The following BMPR1B variants were observed in gnomAD, a reference collection of about 807,000 sequenced individuals.
BMPR1B encodes the protein bone morphogenetic protein receptor type 1B, also known as bone morphogenetic protein receptor type-1B.
Under a neutral mutation model 59.1 loss-of-function variants are expected in BMPR1B, and 12 were observed. The observed-to-expected ratio is 0.20, with a 90% CI of 0.13 to 0.33. The LOEUF (loss-of-function observed/expected upper bound fraction) is 0.33, where lower values mean the gene tolerates loss of function less well. BMPR1B is among the 10% of genes least tolerant of loss of function. The pLI is 1.00. For synonymous variants in BMPR1B, 237 were observed against 207.3 expected (o/e 1.14, Z -1.23); for missense variants, 550 against 610.9 (o/e 0.90, Z 1.05).
intron 3 of BMPR1B, among the ~76,000 whole-genome samples, chr4:95,099,402 T>C (rs1298401644): frequency 1.3e-5 from 2 of 152,202 alleles, no homozygotes; most frequent in Non-Finnish European, 2.9e-5. Flanking sequence ...CATAGATCCA[T>C]GCAGATATAG....
chr4:94,873,602 G>A (rs1448274830), intron 1 of BMPR1B, among the ~76,000 whole-genome samples: 1 of 151,986 alleles, frequency 6.6e-6, no homozygotes, highest in Non-Finnish European at 1.5e-5. Flanking sequence ...TAGAGATGGG[G>A]TTTCACCATG....
At chr4:94,782,370 A>G (rs931964801) in intron 1 of BMPR1B, among the ~76,000 whole-genome samples, 15 of 151,098 alleles carry the variant, frequency 9.9e-5, no homozygotes, top group Admixed American at 7.3e-4. Context: ...CAGTGGTGCA[A>G]TCTTGGCTCA....
chr4:94,845,524 A>G (rs1197832811), intron 1 of BMPR1B, among the ~76,000 whole-genome samples: 1 of 151,972 alleles, frequency 6.6e-6, no homozygotes, highest in Non-Finnish European at 1.5e-5. Context: ...TTGTATTTTT[A>G]GTAGAGACGG....
chr4:94,849,181 A>G (rs957352535), intron 1 of BMPR1B, among the ~76,000 whole-genome samples: 9 of 152,216 alleles, frequency 5.9e-5, no homozygotes, highest in African/African-American at 2.2e-4. Context: ...AGTTGGGGTA[A>G]TAAATGAGCA....
intron 1 of BMPR1B, among the ~76,000 whole-genome samples, chr4:94,873,724 C>T (rs1035934495): frequency 1.3e-5 from 2 of 152,040 alleles, no homozygotes; most frequent in Admixed American, 6.6e-5. Context: ...TGAATTCTTA[C>T]TTCTATCTTC....
rs190921027 is a variant in BMPR1B, at chr4:95,093,237, A to G, written c.-17-11171A>G. Among the ~76,000 whole-genome samples the G allele has an allele frequency of 1.2e-4, 19 of 152,196 alleles. No individual in the cohort carries two copies. In the East Asian group the frequency reaches 3.7e-3, roughly 29 times the overall value. On this transcript the variant is annotated intron_variant, in intron 3 of 12. Coordinates refer to ENST00000515059, the MANE Select transcript of BMPR1B (RefSeq NM_001203.3). Reference sequence around the variant, plus strand: ...TGTTGCTTTTATTAAAAATACTTATAAACAAGTTGTGTTTTAGAGATTTTT... The same window carrying G: ...TGTTGCTTTTATTAAAAATACTTATGAACAAGTTGTGTTTTAGAGATTTTT...
chr4:94,988,032 G>C (rs1470257956), intron 2 of BMPR1B, among the ~76,000 whole-genome samples: 1 of 152,084 alleles, frequency 6.6e-6, no homozygotes, highest in Non-Finnish European at 1.5e-5. Context: ...TGGAGTAATT[G>C]TAGAAATTTT....
intron 11 of BMPR1B, among the ~76,000 whole-genome samples, chr4:95,149,330 G>C (rs966782571): frequency 1.3e-5 from 2 of 152,146 alleles, no homozygotes; most frequent in Non-Finnish European, 2.9e-5. Context: ...CTGCAGAGAT[G>C]ACAGTAGGCC....
At chr4:94,826,470 CACTT>C (rs1233192929) in intron 1 of BMPR1B, among the ~76,000 whole-genome samples, 3 of 152,144 alleles carry the variant, frequency 2.0e-5, no homozygotes, top group African/African-American at 7.2e-5. Flanking sequence ...TCCCTGCTCT[CACTT>C]GTTTAAGTCA....
At position 95,088,654 on chromosome 4, in the gene BMPR1B, G is replaced by A. The variant is rs145910121; in HGVS notation, c.-17-15754G>A. Among the ~76,000 whole-genome samples the A allele has an allele frequency of 1.1e-4, 16 of 152,108 alleles. No homozygotes were observed. In the East Asian group the frequency reaches 3.1e-3, roughly 29 times the overall value. On this transcript the variant is annotated intron_variant, in intron 3 of 12. Transcript: ENST00000515059. ...TTTGTATTACTACCAAATATTATGG[G>A]CTTAATAATAAAAGTGAGTATTTTT... is the stretch of plus-strand genomic sequence containing the variant.
In BMPR1B at chr4:95,154,719, CTTCTG is replaced by C; in HGVS notation, c.*49_*53del. ...TCTCTGCAGAAAGCCAACAGGTACT[CTTCTG>C]TTTGTGGGCAGAGCAAAAGACATCA... On this transcript the variant is annotated 3_prime_UTR_variant, in exon 13 of 13. Transcript: ENST00000515059. 1 of 1,610,346 alleles carries C rather than the reference CTTCTG, an allele frequency of 6.2e-7. No individual in the cohort carries two copies. The highest frequency in any genetic ancestry group is 8.5e-7 in the Non-Finnish European group (1 of 1,177,000).
At chr4:94,863,490 C>T (rs963261934) in intron 1 of BMPR1B, among the ~76,000 whole-genome samples, 1 of 152,148 alleles carries the variant, frequency 6.6e-6, no homozygotes, top group Non-Finnish European at 1.5e-5. Flanking sequence ...AATAACAGTG[C>T]TAGCATTTTC....
Position 94,812,985 on chromosome 4 carries a change from A to C in BMPR1B, c.-183+54917A>C, listed in dbSNP as rs114690870. On this transcript the variant is annotated intron_variant, in intron 1 of 12. Transcript: ENST00000515059. The stretch of plus-strand genomic sequence containing the variant: ...TTATTGTGACAACATAAGGTGTTTG[A>C]TAGTTTAAGCTTTTTTTTTTTTTCT... Among the ~76,000 whole-genome samples, 600 of 103,660 alleles carry C rather than the reference A, an allele frequency of 5.8e-3. 1 individual carries two copies. Among genetic ancestry groups the C allele is most frequent in the South Asian group, 8.8e-3 (28 of 3,186 alleles). 68.0% of individuals were successfully genotyped at this position (103,660 alleles called of 152,430 possible).
chr4:94,892,843 T>G (rs1024410997), intron 2 of BMPR1B, among the ~76,000 whole-genome samples: 2 of 152,092 alleles, frequency 1.3e-5, no homozygotes, highest in Non-Finnish European at 2.9e-5. Flanking sequence ...TATATTTTAA[T>G]GCATTTTGTC....
intron 1 of BMPR1B, among the ~76,000 whole-genome samples, chr4:94,770,400 C>T (rs543140488): frequency 6.6e-6 from 1 of 152,012 alleles, no homozygotes; most frequent in Admixed American, 6.5e-5. Context: ...AATGCATTAT[C>T]CCAGAGGTGA....
chr4:94,897,943 T>C (rs1419808252), intron 2 of BMPR1B, among the ~76,000 whole-genome samples: 3 of 101,338 alleles, frequency 3.0e-5, no homozygotes, highest in African/African-American at 1.1e-4. Context: ...TTCTTTTCCT[T>C]TTTTTTTTTT....
At chr4:94,899,541 A>T (rs2148998327) in intron 2 of BMPR1B, among the ~76,000 whole-genome samples, 1 of 151,036 alleles carries the variant, frequency 6.6e-6, no homozygotes, top group East Asian at 2.0e-4. Flanking sequence ...GTTGAATATG[A>T]AGTGCAAATA....
chr4:95,134,421 T>G (rs571124382), intron 10 of BMPR1B, among the ~76,000 whole-genome samples: 1 of 152,354 alleles, frequency 6.6e-6, no homozygotes, highest in African/African-American at 2.4e-5. Flanking sequence ...TTTCTAGTTC[T>G]AGATCCTTGA....
chr4:94,969,089 C>T (rs964207377), intron 2 of BMPR1B, among the ~76,000 whole-genome samples: 4 of 151,472 alleles, frequency 2.6e-5, no homozygotes, highest in African/African-American at 9.7e-5. Flanking sequence ...GGCTGGAGTG[C>T]GGTGGTGTGA....
Sources: gnomAD v4.1 joint callset for allele counts (sites outside exome capture counted in the v4.1 genomes callset) on GRCh38, gnomAD v4.1.1 for gene constraint, MANE v1.5 for transcripts, NCBI Gene and HGNC (gene_info 2026-07-23, HGNC 2026-07-21) for gene names.